PCDHA8: variants seen among roughly 807,000 people sequenced by gnomAD.
The protein encoded by PCDHA8 is protocadherin alpha 8.
Under a neutral mutation model 61.8 loss-of-function variants are expected in PCDHA8, and 53 were observed. The ratio of observed to expected loss-of-function variants is 0.86; its 90% CI spans 0.69 to 1.08. PCDHA8 has a LOEUF of 1.08. Among genes scored for constraint, PCDHA8 ranks in the 50% least tolerant of loss-of-function variants. PCDHA8 has a pLI of 0.00. For synonymous variants in PCDHA8, 618 were observed against 556.6 expected (o/e 1.11, Z -1.55); for missense variants, 1,293 against 1,245.0 (o/e 1.04, Z -0.58).
intron 1 of PCDHA8, chr5:140,851,063 G>A (rs1192104512): frequency 7.3e-7 from 1 of 1,372,672 alleles, no homozygotes; most frequent in Non-Finnish European, 9.6e-7. Context: ...TTGACTTCTA[G>A]TGAGAATTAT....
intron 1 of PCDHA8, among the ~76,000 whole-genome samples, chr5:140,954,689 A>T (rs1392082377): frequency 2.0e-5 from 3 of 152,164 alleles, no homozygotes; most frequent in Non-Finnish European, 4.4e-5. Context: ...TCAGATGGAT[A>T]GACTACAAAA....
chr5:140,852,172 A>T (rs2042256675), intron 1 of PCDHA8: 1 of 802,380 alleles, frequency 1.2e-6, no homozygotes, highest in South Asian at 5.6e-5. Context: ...GAGCCACAAA[A>T]ATAACTATGA....
Position 140,841,971 on chromosome 5 carries a change from G to T in PCDHA8, c.650G>T (p.Gly217Val), listed in dbSNP as rs2150326595. 1.9e-6 allele frequency: 3 copies of T among 1,613,910 alleles called. No individual in the cohort carries two copies. Among genetic ancestry groups the T allele is most frequent in the East Asian group, 2.2e-5 (1 of 44,882 alleles). ...CACTTATTCCTGACAGCCACAGATG[G>T]GGGCAAACCTGAGCTCACAGGCACT... is the stretch of plus-strand genomic sequence containing the variant. ...AHHLFLTATDGGKPELTGTVQ... is the reference protein window; with the variant it reads ...AHHLFLTATDVGKPELTGTVQ... Residue 217 changes from glycine (G) to valine (V), a missense_variant, in exon 1 of 4, where the codon GGG becomes GTG. Transcript: ENST00000531613.
chr5:141,004,351 G>T (rs547017222), intron 3 of PCDHA8, among the ~76,000 whole-genome samples: 1 of 152,332 alleles, frequency 6.6e-6, no homozygotes, highest in African/African-American at 2.4e-5. Flanking sequence ...TGAGGGACTG[G>T]AGAGACCACA....
rs1284021507 is a variant in PCDHA8, at chr5:140,883,838, G to C, written c.2394+40123G>C. The C allele has an allele frequency of 6.2e-7, 1 of 1,612,620 alleles. No individual in the cohort carries two copies. The highest frequency in any genetic ancestry group is 8.5e-7 in the Non-Finnish European group (1 of 1,179,840). On this transcript the variant is annotated intron_variant, in intron 1 of 3. Coordinates refer to ENST00000531613, the MANE Select transcript of PCDHA8 (RefSeq NM_018911.3). ...CAAGGTGTACGCGCTGCAGCCGTTG[G>C]ACCACGAGGAGCTGGAGCTGTTGCA...
intron 1 of PCDHA8, among the ~76,000 whole-genome samples, chr5:140,976,934 C>T (rs995021593): frequency 1.3e-5 from 2 of 152,170 alleles, no homozygotes; most frequent in African/African-American, 2.4e-5. Context: ...TGTGTAGCTA[C>T]TTAAAACATA....
At position 140,987,445 on chromosome 5, in the gene PCDHA8, G is replaced by A. The variant is rs141923390; in HGVS notation, c.2542+4882G>A. Among the ~76,000 whole-genome samples, 799 of 152,220 alleles carry A rather than the reference G, an allele frequency of 5.2e-3. 4 individuals carry two copies. The highest frequency in any genetic ancestry group is 0.018 in the African/African-American group (765 of 41,528). On this transcript the variant is annotated intron_variant, in intron 3 of 3. Transcript: ENST00000531613. ...AAGCAGGGGGCCTTTCCCCATGCCC[G>A]AGAGATAATTGTTAAGAGCTCAAGC...
intron 1 of PCDHA8, chr5:140,867,633 T>C (rs1479252473): frequency 2.6e-5 from 4 of 152,136 alleles, no homozygotes; most frequent in Admixed American, 2.0e-4. Context: ...ATATTTAAGC[T>C]AGAGTGATAT....
At chr5:140,863,748 C>T (rs1221413981) in intron 1 of PCDHA8, 2 of 241,286 alleles carry the variant, frequency 8.3e-6, no homozygotes, top group South Asian at 5.4e-5. Flanking sequence ...TTTGTAATCC[C>T]GGCACTTTGG....
At chr5:140,967,708 C>A (rs782464741) in intron 1 of PCDHA8, 1 of 1,614,158 alleles carries the variant, frequency 6.2e-7, no homozygotes, top group Admixed American at 1.7e-5. Context: ...ATGCCAGTAC[C>A]GGGGAAGTGC....
chr5:140,909,234 A>G (rs782659410), intron 1 of PCDHA8, among the ~76,000 whole-genome samples: 12 of 152,220 alleles, frequency 7.9e-5, no homozygotes, highest in Non-Finnish European at 1.3e-4. Context: ...GTAGGATGGT[A>G]AAGATATATT....
At position 140,841,804 on chromosome 5, in the gene PCDHA8, T is replaced by A; in HGVS notation, c.483T>A (p.Asp161Glu). Residue 161 changes from aspartate to glutamate, a missense_variant, in exon 1 of 4, where the codon GAT becomes GAA. Coordinates refer to ENST00000531613, the MANE Select transcript of PCDHA8 (RefSeq NM_018911.3). ...CGCTAGAGGGCGCGTCCGATGCAGA[T>A]GTTGGAGCTAACTCCGTGTTAACCT... is the stretch of plus-strand genomic sequence containing the variant. ...RFPLEGASDA[D>E]VGANSVLTYR... is the part of the protein sequence containing the mutation. 6.2e-7 allele frequency: 1 copy of A among 1,613,910 alleles called. No individual in the cohort carries two copies. Among genetic ancestry groups the A allele is most frequent in the African/African-American group, 1.3e-5 (1 of 74,986 alleles).
At chr5:140,877,172 C>A (rs371577720) in intron 1 of PCDHA8, 1 of 1,613,818 alleles carries the variant, frequency 6.2e-7, no homozygotes. Flanking sequence ...GCACTGCTGG[C>A]GACTCCGGCT....
intron 1 of PCDHA8, chr5:140,877,451 C>G (rs782361627): frequency 6.2e-7 from 1 of 1,613,790 alleles, no homozygotes; most frequent in East Asian, 2.2e-5. Flanking sequence ...CCCGCGCTGA[C>G]GTCCACGGCC....
At chr5:140,913,896 C>T (rs1440194616) in intron 1 of PCDHA8, among the ~76,000 whole-genome samples, 5 of 152,018 alleles carry the variant, frequency 3.3e-5, no homozygotes, top group African/African-American at 7.2e-5. Context: ...TCCAAAATTC[C>T]CCTTTTTTAT....
At chr5:140,927,527 C>G in intron 1 of PCDHA8, 1 of 1,614,084 alleles carries the variant, frequency 6.2e-7, no homozygotes, top group African/African-American at 1.3e-5. Context: ...GGGCTACCTG[C>G]CCGCTCAGGA....
intron 2 of PCDHA8, 142 bp from the exon 3 acceptor site, chr5:140,982,333 A>C (rs2096978357): frequency 1.4e-6 from 2 of 1,438,566 alleles, no homozygotes; most frequent in Admixed American, 4.6e-5. Context: ...ACTGCTCAGC[A>C]GTAATTGCTT....
chr5:140,877,162 G>T (rs782642663), intron 1 of PCDHA8: 3 of 1,613,832 alleles, frequency 1.9e-6, no homozygotes, highest in Non-Finnish European at 1.7e-6. Context: ...CAACGCGCCG[G>T]CACTGCTGGC....
intron 1 of PCDHA8, chr5:140,863,589 T>C: frequency 2.8e-6 from 1 of 359,456 alleles, no homozygotes; most frequent in Admixed American, 3.7e-5. Flanking sequence ...TCCTGGAAAG[T>C]ATTTCATTCC....
Sources: gnomAD v4.1 joint callset for allele counts (sites outside exome capture counted in the v4.1 genomes callset) on GRCh38, gnomAD v4.1.1 for gene constraint, MANE v1.5 for transcripts, NCBI Gene and HGNC (gene_info 2026-07-23, HGNC 2026-07-21) for gene names.